Variants in SCRG1 observed in about 807,000 individuals in gnomAD.
The protein encoded by SCRG1 is stimulator of chondrogenesis 1.
Under a neutral mutation model 7.7 loss-of-function variants are expected in SCRG1, and 3 were observed. The ratio of observed to expected loss-of-function variants is 0.39; its 90% CI spans 0.18 to 1.01. SCRG1 has a LOEUF of 1.01. Among genes scored for constraint, SCRG1 ranks in the 50% least tolerant of loss-of-function variants. The probability of loss-of-function intolerance (pLI) is 0.36; values close to 1 mark genes in which losing one functional copy is unlikely to be tolerated. For missense variants in SCRG1, 110 were observed against 117.2 expected, an observed-to-expected ratio of 0.94 and a Z score of 0.28; for synonymous variants, 46 against 41.2, an observed-to-expected ratio of 1.12 and a Z score of -0.44.
chr4:173,513,734 C>A, the SCRG1 span, among the ~76,000 whole-genome samples: 1 of 152,178 alleles, frequency 6.6e-6, no homozygotes, highest in African/African-American at 2.4e-5. Context: ...CTCCTCTCCC[C>A]CTATCAGTGG....
the SCRG1 span, among the ~76,000 whole-genome samples, chr4:173,495,043 G>T: frequency 6.6e-6 from 1 of 152,292 alleles, no homozygotes; most frequent in South Asian, 2.1e-4. Flanking sequence ...AAGCCCCGGA[G>T]CCCCCGTTTA....
chr4:173,448,867 A>G, the SCRG1 span, among the ~76,000 whole-genome samples: 1 of 152,354 alleles, frequency 6.6e-6, no homozygotes, highest in South Asian at 2.1e-4. Context: ...ACATGCATAC[A>G]ATAGCCTCCT....
At chr4:173,430,952 A>G in the SCRG1 span, among the ~76,000 whole-genome samples, 1 of 152,138 alleles carries the variant, frequency 6.6e-6, no homozygotes, top group Non-Finnish European at 1.5e-5. Context: ...ACAAAGGTGA[A>G]AATAATAGAC....
the SCRG1 span, among the ~76,000 whole-genome samples, chr4:173,447,466 G>T: frequency 6.6e-6 from 1 of 152,216 alleles, no homozygotes; most frequent in Non-Finnish European, 1.5e-5. Context: ...TGTTATTAAT[G>T]ATTGTGATTG....
the SCRG1 span, among the ~76,000 whole-genome samples, chr4:173,494,747 G>A: frequency 6.6e-6 from 1 of 152,348 alleles, no homozygotes; most frequent in East Asian, 1.9e-4. Flanking sequence ...TTACCCTTCT[G>A]GGAATCAAGA....
chr4:173,412,057 G>A, the SCRG1 span, among the ~76,000 whole-genome samples: 15 of 152,200 alleles, frequency 9.9e-5, no homozygotes, highest in African/African-American at 3.1e-4. Flanking sequence ...GACCCCTCCT[G>A]AGCAGCAAGT....
chr4:173,489,510 ATTT>A, the SCRG1 span, among the ~76,000 whole-genome samples: 10 of 134,950 alleles, frequency 7.4e-5, no homozygotes, highest in South Asian at 1.7e-3. Context: ...TGCGTTTCTA[ATTT>A]TTTTTTTTTG....
the SCRG1 span, among the ~76,000 whole-genome samples, chr4:173,474,348 A>G: frequency 1.3e-5 from 2 of 152,206 alleles, no homozygotes; most frequent in Non-Finnish European, 1.5e-5. Flanking sequence ...CAATTTAAGC[A>G]TTATGTAATT....
chr4:173,486,689 A>G, the SCRG1 span, among the ~76,000 whole-genome samples: 86,686 of 151,546 alleles, frequency 0.57, 28,025 homozygotes, highest in Non-Finnish European at 0.73. Context: ...ACCATTTACA[A>G]TAGTAGCATC....
chr4:173,499,924 G>A, the SCRG1 span, among the ~76,000 whole-genome samples: 1 of 152,216 alleles, frequency 6.6e-6, no homozygotes, highest in Non-Finnish European at 1.5e-5. This position sits in a 1 kb window ranked among gnomAD's most constrained non-coding sequence, Gnocchi z 4.1. Context: ...GGTCTTTGAT[G>A]TTTTTCTGAA....
chr4:173,503,937 A>G, the SCRG1 span, among the ~76,000 whole-genome samples: 1 of 152,220 alleles, frequency 6.6e-6, no homozygotes, highest in Non-Finnish European at 1.5e-5. This position sits in a 1 kb window ranked among gnomAD's most constrained non-coding sequence, Gnocchi z 6.4. Flanking sequence ...GTTTTCTTAA[A>G]TGTGCCAGAA....
At chr4:173,449,983 T>TATC in the SCRG1 span, among the ~76,000 whole-genome samples, 1 of 152,234 alleles carries the variant, frequency 6.6e-6, no homozygotes, top group Non-Finnish European at 1.5e-5. Context: ...ATTGTTTCCA[T>TATC]ATCAGGCTGG....
the SCRG1 span, among the ~76,000 whole-genome samples, chr4:173,517,271 G>T: frequency 1.9e-4 from 29 of 152,214 alleles, no homozygotes; most frequent in African/African-American, 1.4e-4. Context: ...GGCCAGGCCC[G>T]TGCACAGGAA....
chr4:173,411,291 A>G (rs1260580178), upstream of SCRG1, among the ~76,000 whole-genome samples: 4 of 152,238 alleles, frequency 2.6e-5, no homozygotes, highest in Non-Finnish European at 5.9e-5. Flanking sequence ...TCTTTTGTAC[A>G]GTTTGTACCT....
At chr4:173,398,111 T>C (rs1358285392) in intron 1 of SCRG1, among the ~76,000 whole-genome samples, 1 of 152,214 alleles carries the variant, frequency 6.6e-6, no homozygotes, top group Non-Finnish European at 1.5e-5. Flanking sequence ...TTAGAATGAC[T>C]GAGTCCTTAG....
At chr4:173,483,298 G>GATATATTATATATGACATATCATATATT in the SCRG1 span, among the ~76,000 whole-genome samples, 1 of 27,338 alleles carries the variant, frequency 3.7e-5, no homozygotes, top group African/African-American at 1.6e-4. Flanking sequence ...TATCATATAT[G>GATATATTATATATGACATATCATATATT]ATATATTATA....
chr4:173,501,462 G>A, the SCRG1 span, among the ~76,000 whole-genome samples: 1 of 152,214 alleles, frequency 6.6e-6, no homozygotes, highest in African/African-American at 2.4e-5. The surrounding 1 kb of genome is among the most constrained non-coding windows in gnomAD (Gnocchi z 5.1). Flanking sequence ...CCTTCCCAGT[G>A]CGCCTGTGGT....
the SCRG1 span, among the ~76,000 whole-genome samples, chr4:173,483,017 A>G: frequency 7.7e-6 from 1 of 129,234 alleles, no homozygotes; most frequent in Non-Finnish European, 1.6e-5. Context: ...TATATTATAT[A>G]ATTTATATGT....
the SCRG1 span, among the ~76,000 whole-genome samples, chr4:173,441,343 A>C: frequency 3.9e-5 from 6 of 152,172 alleles, no homozygotes; most frequent in Non-Finnish European, 8.8e-5. Context: ...AGTCTCCGTC[A>C]CGGCTCTAAT....
Sources: allele counts gnomAD v4.1 joint callset (sites outside exome capture counted in the v4.1 genomes callset), GRCh38; gene constraint gnomAD v4.1.1; non-coding constraint Gnocchi (gnomAD v3.1); transcripts MANE v1.5; gene names NCBI Gene and HGNC (gene_info 2026-07-23, HGNC 2026-07-21).